The following ITGAV variants were observed in gnomAD, a reference collection of about 807,000 sequenced individuals.
The protein encoded by ITGAV is integrin subunit alpha V.
In ITGAV, 76 loss-of-function variants were observed where a neutral mutation model predicts 143.8. That is an observed-to-expected ratio of 0.53 (90% CI 0.44 to 0.64). ITGAV has a LOEUF of 0.64. ITGAV is among the 30% of genes least tolerant of loss of function. ITGAV has a pLI of 0.00. For synonymous variants in ITGAV, 453 were observed against 446.7 expected (o/e 1.01, Z -0.18); for missense variants, 1,193 against 1,274.7 (o/e 0.94, Z 0.98).
rs1459059777 is a variant in ITGAV at position 186,667,108 on chromosome 2, T to C, written c.2247-42T>C. ...GTTTGCCTCTGTATGTTCTTGGTTG[T>C]TATGCATAATTCATTTTTAAGTTTT... On this transcript the variant is annotated intron_variant, in intron 22 of 29. Transcript: ENST00000261023. 2.7e-6 allele frequency: 4 copies of C among 1,479,336 alleles called. No homozygotes were observed. The African/African-American group carries it at 5.6e-5, about 21-fold the overall frequency. The allele number at this position is 1,479,336 out of a possible 1,614,324, so 91.6% of individuals were successfully genotyped here.
intron 1 of ITGAV, among the ~76,000 whole-genome samples, chr2:186,594,015 G>C (rs1427453813): frequency 6.6e-6 from 1 of 152,158 alleles, no homozygotes; most frequent in African/African-American, 2.4e-5. Context: ...CGCTAATGGA[G>C]CCTTATCTTA....
At chr2:186,645,985 T>C (rs187516951) in intron 12 of ITGAV, among the ~76,000 whole-genome samples, 5 of 151,378 alleles carry the variant, frequency 3.3e-5, no homozygotes, top group Admixed American at 3.3e-4. Context: ...CAAACAAAAA[T>C]TAAAAAGAAA....
At chr2:186,644,960 A>G (rs1688213416) in intron 12 of ITGAV, among the ~76,000 whole-genome samples, 2 of 152,168 alleles carry the variant, frequency 1.3e-5, no homozygotes, top group South Asian at 4.1e-4. Context: ...CTTATTAAGG[A>G]GCTATGAGAC....
Position 186,590,395 on chromosome 2 carries a change from TCTCTC to T in ITGAV, c.58_62del (p.Leu20GlyfsTer69), listed in dbSNP as rs770098642. ...TCGGTCCCCGCGGCCTCCCGCTTCT[TCTCTC>T]GGGACTCCTGCTACCTCTGTGCCGC... On this transcript the variant is annotated frameshift_variant, in exon 1 of 30. Transcript: ENST00000261023. LOFTEE classifies it high-confidence loss of function. 1 of 1,605,214 alleles carries T rather than the reference TCTCTC, an allele frequency of 6.2e-7. No individual in the cohort carries two copies. Among genetic ancestry groups the T allele is most frequent in the Admixed American group, 1.7e-5 (1 of 59,322 alleles).
intron 1 of ITGAV, among the ~76,000 whole-genome samples, chr2:186,594,291 G>T (rs1278673397): frequency 6.6e-6 from 1 of 152,052 alleles, no homozygotes; most frequent in African/African-American, 2.4e-5. Context: ...TTCTATTAAT[G>T]CTGGCATCAT....
intron 2 of ITGAV, among the ~76,000 whole-genome samples, chr2:186,605,709 A>G (rs905274801): frequency 1.3e-5 from 2 of 150,042 alleles, no homozygotes; most frequent in African/African-American, 4.9e-5. Flanking sequence ...TAGTAAGGAA[A>G]TAACTAAAGT....
chr2:186,611,443 T>C (rs551783534), intron 2 of ITGAV, among the ~76,000 whole-genome samples: 1 of 151,970 alleles, frequency 6.6e-6, no homozygotes, highest in Non-Finnish European at 1.5e-5. Context: ...ACCAGGCTGG[T>C]CTCAAACTCC....
At chr2:186,655,510 T>C (rs1167657201) in intron 16 of ITGAV, among the ~76,000 whole-genome samples, 1 of 152,162 alleles carries the variant, frequency 6.6e-6, no homozygotes, top group Admixed American at 6.6e-5. Flanking sequence ...TGGAGGTCAA[T>C]ATGGCCTAGT....
At chr2:186,656,496 A>C (rs1310408822) in intron 17 of ITGAV, 95 bp downstream of exon 17, 15 of 941,910 alleles carry the variant, frequency 1.6e-5, no homozygotes, top group Non-Finnish European at 1.5e-6. Flanking sequence ...GTGTTAGATC[A>C]AAAGGAAAAA....
intron 8 of ITGAV, 41 bp downstream of exon 8, chr2:186,637,150 A>T (rs1212217044): frequency 1.3e-6 from 2 of 1,516,038 alleles, no homozygotes; most frequent in Admixed American, 1.7e-5. Context: ...TAAAAAAATT[A>T]GATTAAGTAT....
rs933026260 is a variant in ITGAV at position 186,669,951 on chromosome 2, C to G, written c.2706+137C>G. ...TTATTTTTATACCATGCATTCCTCTCACTTTCCTTTTTCCTAGTCAGATTA... is the reference window on the plus strand; with the variant it reads ...TTATTTTTATACCATGCATTCCTCTGACTTTCCTTTTTCCTAGTCAGATTA... On this transcript the variant is annotated intron_variant, in intron 26 of 29. Transcript: ENST00000261023. The G allele has an allele frequency of 9.1e-6, 6 of 656,038 alleles. No homozygotes were observed. In the African/African-American group the frequency reaches 1.1e-4, roughly 12 times the overall value. 40.6% of individuals were successfully genotyped at this position (656,038 alleles called of 1,614,324 possible).
At chr2:186,642,807 G>A (rs745915434) in intron 12 of ITGAV, among the ~76,000 whole-genome samples, 5 of 152,132 alleles carry the variant, frequency 3.3e-5, no homozygotes, top group Non-Finnish European at 7.4e-5. Flanking sequence ...TGGAATTACA[G>A]ATGTGAGCCA....
At chr2:186,622,283 T>G in intron 2 of ITGAV, 56 bp from the exon 3 acceptor site, 1 of 1,182,832 alleles carries the variant, frequency 8.5e-7, no homozygotes, top group South Asian at 1.3e-5. Flanking sequence ...AAAAATAAAC[T>G]GTTATATTAA....
intron 2 of ITGAV, among the ~76,000 whole-genome samples, chr2:186,610,452 A>G (rs1276404291): frequency 1.3e-5 from 2 of 152,202 alleles, no homozygotes; most frequent in Non-Finnish European, 2.9e-5. Context: ...TAGAATGTAT[A>G]AACAAAGCCA....
chr2:186,596,952 T>G (rs1000611861), intron 1 of ITGAV, among the ~76,000 whole-genome samples: 4 of 152,216 alleles, frequency 2.6e-5, no homozygotes, highest in Non-Finnish European at 5.9e-5. Context: ...AAATTTAGCA[T>G]GTAGATATTG....
At position 186,667,362 on chromosome 2, in the gene ITGAV, T is replaced by C. The variant is rs1224713762; in HGVS notation, c.2327+132T>C. 7.7e-6 allele frequency: 5 copies of C among 649,014 alleles called. No homozygotes were observed. The Middle Eastern group carries it at 1.3e-3, about 165-fold the overall frequency. The allele number at this position is 649,014 out of a possible 1,614,324, so 40.2% of individuals were successfully genotyped here. A position where few individuals can be genotyped will look rare whatever the true frequency, so the allele number is the denominator to read the frequency against. ...GGTTTTACTAGGGCATTAGCTTCTG[T>C]AGAAATAAAATCCTAGGTATGTTCC... On this transcript the variant is annotated intron_variant, in intron 23 of 29. Transcript: ENST00000261023.
intron 2 of ITGAV, among the ~76,000 whole-genome samples, chr2:186,612,849 C>A (rs990433237): frequency 6.6e-6 from 1 of 152,046 alleles, no homozygotes; most frequent in Non-Finnish European, 1.5e-5. Flanking sequence ...AGTAGTTTCC[C>A]TTCCCTTGTT....
chr2:186,651,613 G>C (rs1038315487), intron 14 of ITGAV, among the ~76,000 whole-genome samples: 1 of 151,906 alleles, frequency 6.6e-6, no homozygotes, highest in Non-Finnish European at 1.5e-5. Context: ...CTATATGTTG[G>C]TTATGTCTTA....
intron 1 of ITGAV, among the ~76,000 whole-genome samples, chr2:186,601,348 C>G (rs569735192): frequency 6.6e-6 from 1 of 151,650 alleles, no homozygotes; most frequent in South Asian, 2.1e-4. Flanking sequence ...GTAGTTCTAC[C>G]TGCTCAGGAG....
Sources: allele counts gnomAD v4.1 joint callset (sites outside exome capture counted in the v4.1 genomes callset), GRCh38; gene constraint gnomAD v4.1.1; transcripts MANE v1.5; gene names NCBI Gene and HGNC (gene_info 2026-07-23, HGNC 2026-07-21).